The following FPR3 variants were observed in gnomAD, a reference collection of about 807,000 sequenced individuals.
FPR3 encodes the protein N-formyl peptide receptor 3.
For missense variants in FPR3, 346 were observed against 443.2 expected (o/e 0.78, Z 1.97); for synonymous variants, 135 against 163.6 (o/e 0.83, Z 1.34).
chr19:51,803,983 C>T (rs552994118), intron 1 of FPR3: 4 of 152,192 alleles, frequency 2.6e-5, no homozygotes, highest in African/African-American at 7.2e-5. Context: ...CAACATAAAA[C>T]GTTGGGGATC....
intron 1 of FPR3, among the ~76,000 whole-genome samples, chr19:51,815,651 T>C (rs555233828): frequency 6.6e-6 from 1 of 151,850 alleles, no homozygotes; most frequent in African/African-American, 2.4e-5. Flanking sequence ...GCAGATCGCT[T>C]TAAGCCCAGG....
chr19:51,808,972 G>A (rs1387853530), intron 1 of FPR3, among the ~76,000 whole-genome samples: 1 of 152,204 alleles, frequency 6.6e-6, no homozygotes, highest in Non-Finnish European at 1.5e-5. Flanking sequence ...AGTGGGCAGA[G>A]GAGAAATATC....
intron 1 of FPR3, among the ~76,000 whole-genome samples, chr19:51,806,934 T>C (rs1305546674): frequency 1.3e-5 from 2 of 152,366 alleles, no homozygotes; most frequent in South Asian, 2.1e-4. Flanking sequence ...TGTAAGTTGA[T>C]AGGTAGCAAT....
At chr19:51,798,048 T>C (rs2084010160) in intron 1 of FPR3, among the ~76,000 whole-genome samples, 1 of 151,846 alleles carries the variant, frequency 6.6e-6, no homozygotes, top group Non-Finnish European at 1.5e-5. Context: ...AAAATCAGTC[T>C]TTATCAAAAA....
chr19:51,799,133 G>A (rs1418147733), intron 1 of FPR3, among the ~76,000 whole-genome samples: 1 of 152,050 alleles, frequency 6.6e-6, no homozygotes, highest in Non-Finnish European at 1.5e-5. Flanking sequence ...TGAACTTGAA[G>A]TGCGCCACAC....
chr19:51,796,580 C>G (rs148602779), intron 1 of FPR3, among the ~76,000 whole-genome samples: 13 of 152,256 alleles, frequency 8.5e-5, no homozygotes, highest in Non-Finnish European at 1.5e-4. Flanking sequence ...GCCATGGACA[C>G]CGGTCGTGGA....
intron 1 of FPR3, among the ~76,000 whole-genome samples, chr19:51,821,075 T>C (rs1046196954): frequency 1.3e-5 from 2 of 152,186 alleles, no homozygotes; most frequent in Non-Finnish European, 2.9e-5. Context: ...CACAGCCTGG[T>C]GAGGACCAGA....
intron 1 of FPR3, among the ~76,000 whole-genome samples, chr19:51,809,360 T>C (rs2084082147): frequency 6.6e-6 from 1 of 152,234 alleles, no homozygotes; most frequent in Non-Finnish European, 1.5e-5. Context: ...TGTCTTTAGA[T>C]ATGACTGACA....
intron 1 of FPR3, among the ~76,000 whole-genome samples, chr19:51,801,460 C>T (rs923931178): frequency 6.6e-6 from 1 of 152,100 alleles, no homozygotes; most frequent in African/African-American, 2.4e-5. Flanking sequence ...GCTTTTGTTC[C>T]TCTACAATAT....
At chr19:51,823,694 A>G (rs747654600) in intron 1 of FPR3, 45 bp from the exon 2 acceptor site, 25 of 1,406,864 alleles carry the variant, frequency 1.8e-5, no homozygotes, top group Non-Finnish European at 2.1e-5. Context: ...TTGTATTGTA[A>G]GATGGTGTCA....
At chr19:51,807,790 C>T (rs1325904708) in intron 1 of FPR3, among the ~76,000 whole-genome samples, 1 of 152,202 alleles carries the variant, frequency 6.6e-6, no homozygotes, top group Non-Finnish European at 1.5e-5. Flanking sequence ...GTCGACATTT[C>T]CCAAGCTGCA....
intron 1 of FPR3, among the ~76,000 whole-genome samples, chr19:51,810,813 T>C (rs1313184970): frequency 6.6e-6 from 1 of 152,180 alleles, no homozygotes; most frequent in Non-Finnish European, 1.5e-5. Context: ...TTCAACAACT[T>C]ACTCTAGTGG....
At chr19:51,795,703 C>T (rs866407978) in intron 1 of FPR3, among the ~76,000 whole-genome samples, 1 of 151,332 alleles carries the variant, frequency 6.6e-6, no homozygotes, top group Non-Finnish European at 1.5e-5. Flanking sequence ...TTAGTAGAGA[C>T]GGGGTTTCAA....
At chr19:51,797,831 T>G (rs979339000) in intron 1 of FPR3, among the ~76,000 whole-genome samples, 4 of 151,246 alleles carry the variant, frequency 2.6e-5, no homozygotes, top group African/African-American at 9.7e-5. Context: ...GAGTTCTAAT[T>G]TGTTACAGAT....
intron 1 of FPR3, among the ~76,000 whole-genome samples, chr19:51,818,994 A>G (rs1021707377): frequency 7.9e-5 from 12 of 152,250 alleles, no homozygotes; most frequent in African/African-American, 2.9e-4. Context: ...TGACAGGGCC[A>G]TGGACATGGG....
At chr19:51,796,920 G>C (rs1369797055) in intron 1 of FPR3, among the ~76,000 whole-genome samples, 1 of 152,150 alleles carries the variant, frequency 6.6e-6, no homozygotes, top group Non-Finnish European at 1.5e-5. Flanking sequence ...TAATCCCAGA[G>C]ACTGGATGAT....
chr19:51,795,997 A>G (rs993487346), intron 1 of FPR3, among the ~76,000 whole-genome samples: 2 of 152,222 alleles, frequency 1.3e-5, no homozygotes, highest in African/African-American at 4.8e-5. Context: ...GGATCTTGAT[A>G]GTCCTGTGGA....
intron 1 of FPR3, among the ~76,000 whole-genome samples, chr19:51,814,966 C>T (rs552662303): frequency 1.9e-4 from 29 of 151,944 alleles, no homozygotes; most frequent in African/African-American, 5.8e-4. Context: ...CCTGCCACCA[C>T]GTCTGGCTAA....
In FPR3 at chr19:51,820,162, C is replaced by G. The variant is rs529946675; in HGVS notation, c.-10-3577C>G. 2.6e-5 allele frequency among the ~76,000 whole-genome samples: 4 copies of G among 152,222 alleles called. No individual in the cohort carries two copies. In the South Asian group the frequency reaches 8.3e-4, roughly 32 times the overall value. On this transcript the variant is annotated intron_variant, in intron 1 of 1. Coordinates refer to ENST00000339223, the MANE Select transcript of FPR3 (RefSeq NM_002030.5). ...TTAGTTTGAGGAGAAAGCAGAAGGG[C>G]TGAATGTTATTTTAATGCATCAGAA...
Sources: gnomAD v4.1 joint callset for allele counts (sites outside exome capture counted in the v4.1 genomes callset) on GRCh38, gnomAD v4.1.1 for gene constraint, MANE v1.5 for transcripts, NCBI Gene and HGNC (gene_info 2026-07-23, HGNC 2026-07-21) for gene names.